The following STK38 variants were observed in gnomAD, a reference collection of about 807,000 sequenced individuals.
The protein encoded by STK38 is serine/threonine-protein kinase 38.
In STK38, 26 loss-of-function variants were observed where a neutral mutation model predicts 59.0. The observed-to-expected ratio is 0.44, with a 90% confidence interval of 0.32 to 0.61. The LOEUF is 0.61. STK38 is among the 20% of genes least tolerant of loss of function. The pLI is 0.04. For missense variants in STK38, 433 were observed against 566.0 expected, an observed-to-expected ratio of 0.76 and a Z score of 2.38; for synonymous variants, 175 against 176.6, an observed-to-expected ratio of 0.99 and a Z score of 0.07.
chr6:36,540,186 G>T lies in STK38; in HGVS notation c.17C>A (p.Ser6Ter), dbSNP rs1325297788. 1 of 1,613,962 alleles carries T rather than the reference G, an allele frequency of 6.2e-7. No individual in the cohort carries two copies. The highest frequency in any genetic ancestry group is 8.5e-7 in the Non-Finnish European group (1 of 1,179,930). MAMTG[S>*]TPCSSMSNHT... is the part of the protein sequence containing the mutation. ...GTTACTCATGGATGAGCAAGGTGTT[G>T]AGCCTGTCATTGCCATGGCTGCTAG... is the stretch of plus-strand genomic sequence containing the variant. The change falls in exon 2 of 14, where the codon TCA becomes TAA. Residue 6 changes from serine (S) to a stop codon, truncating the protein, a stop_gained. Coordinates refer to ENST00000229812, the MANE Select transcript of STK38 (RefSeq NM_007271.4). LOFTEE classifies it high-confidence loss of function.
At chr6:36,519,104 CTT>C (rs2127477938) in intron 5 of STK38, among the ~76,000 whole-genome samples, 1 of 152,256 alleles carries the variant, frequency 6.6e-6, no homozygotes, top group South Asian at 2.1e-4. Flanking sequence ...AGGCATTTGA[CTT>C]TATGTATTTG....
intron 9 of STK38, 75 bp downstream of exon 9, chr6:36,506,508 C>A: frequency 6.7e-7 from 1 of 1,499,700 alleles, no homozygotes; most frequent in South Asian, 1.2e-5. Context: ...TTGTCAAATG[C>A]AAATTTATGT....
chr6:36,501,768 T>C (rs577650958), intron 9 of STK38, among the ~76,000 whole-genome samples: 68 of 152,324 alleles, frequency 4.5e-4, no homozygotes, highest in Non-Finnish European at 8.8e-4. Context: ...CATGTAGCTC[T>C]AGTTCACTCA....
At position 36,495,081 on chromosome 6, in the gene STK38, G is replaced by A. The variant is rs1776667706; in HGVS notation, c.*703C>T. ...TTCTGGGCCTTCTAAGAGCAACAGT[G>A]GATCAAGCTGGTAACCCCCATCAAC... On this transcript the variant is annotated 3_prime_UTR_variant, in exon 14 of 14. Coordinates refer to ENST00000229812, the MANE Select transcript of STK38 (RefSeq NM_007271.4). 1 of 152,640 alleles carries A rather than the reference G, an allele frequency of 6.6e-6. No individual in the cohort carries two copies. The highest frequency in any genetic ancestry group is 2.4e-5 in the African/African-American group (1 of 41,458). The allele number at this position is 152,640 out of a possible 1,614,324, so 9.5% of individuals were successfully genotyped here.
At chr6:36,527,952 A>AAG (rs1018541052) in intron 2 of STK38, among the ~76,000 whole-genome samples, 4 of 151,632 alleles carry the variant, frequency 2.6e-5, no homozygotes, top group African/African-American at 9.7e-5. Flanking sequence ...ACAAAAAAAA[A>AAG]AAAAAAATTA....
chr6:36,516,183 T>C (rs1170808139), intron 6 of STK38, among the ~76,000 whole-genome samples: 1 of 152,238 alleles, frequency 6.6e-6, no homozygotes, highest in Non-Finnish European at 1.5e-5. Context: ...TAGTACCCTT[T>C]ATGTAACTTT....
Position 36,513,752 on chromosome 6 carries a change from C to G in STK38, c.669+1586G>C, listed in dbSNP as rs1177484699. The stretch of plus-strand genomic sequence containing the variant: ...CAGGTGGTGGCTCACACTTGTAATC[C>G]CAGGACTTTGAGAGGCTGAGGTGGG... On this transcript the variant is annotated intron_variant, in intron 7 of 13. Coordinates refer to ENST00000229812, the MANE Select transcript of STK38 (RefSeq NM_007271.4). Among the ~76,000 whole-genome samples, 4 of 151,102 alleles carry G rather than the reference C, an allele frequency of 2.6e-5. No homozygotes were observed. The South Asian group carries it at 8.4e-4, about 32-fold the overall frequency.
chr6:36,501,344 A>G (rs632943), intron 9 of STK38, among the ~76,000 whole-genome samples: 66,652 of 151,962 alleles, frequency 0.44, 16,473 homozygotes, highest in African/African-American at 0.65. Context: ...CTCCTAATGT[A>G]CTTAACATTT....
intron 7 of STK38, among the ~76,000 whole-genome samples, chr6:36,512,222 T>C (rs1777127666): frequency 6.6e-6 from 1 of 152,238 alleles, no homozygotes; most frequent in South Asian, 2.1e-4. Context: ...CTATAATCTA[T>C]GTGGCTGAAC....
chr6:36,525,705 GTAACT>G, intron 2 of STK38, 63 bp from the exon 3 acceptor site: 3 of 1,373,990 alleles, frequency 2.2e-6, no homozygotes, highest in Non-Finnish European at 3.1e-6. Flanking sequence ...TGAAAATTCT[GTAACT>G]TAATACTGTA....
chr6:36,497,569 A>G (rs183297105), intron 12 of STK38, among the ~76,000 whole-genome samples: 1 of 152,376 alleles, frequency 6.6e-6, no homozygotes, highest in Non-Finnish European at 1.5e-5. Flanking sequence ...TCACTTTGTA[A>G]ATAACTGCTA....
In STK38 at chr6:36,517,879, CTGCTT is replaced by C. The variant is rs756412139; in HGVS notation, c.391-44_391-40del. ...CATTTGATTAATGACAAAGCTTGCTCTGCTTTATTAGATTGTATATTTGCTTAAAC... is the reference window on the plus strand; with the variant it reads ...CATTTGATTAATGACAAAGCTTGCTCTATTAGATTGTATATTTGCTTAAAC... On this transcript the variant is annotated intron_variant, in intron 5 of 13. Transcript: ENST00000229812. The C allele has an allele frequency of 8.1e-6, 13 of 1,607,978 alleles. No individual in the cohort carries two copies. In the South Asian group the frequency reaches 1.2e-4, roughly 15 times the overall value.
chr6:36,531,239 T>C (rs1037128637), intron 2 of STK38, among the ~76,000 whole-genome samples: 1 of 152,228 alleles, frequency 6.6e-6, no homozygotes, highest in East Asian at 1.9e-4. Context: ...TAAGAGGAGT[T>C]GCAGAACATA....
At chr6:36,526,881 G>A (rs1395936535) in intron 2 of STK38, among the ~76,000 whole-genome samples, 1 of 149,824 alleles carries the variant, frequency 6.7e-6, no homozygotes, top group Non-Finnish European at 1.5e-5. Flanking sequence ...CTGGGTGACA[G>A]AGTGAGACCC....
intron 8 of STK38, among the ~76,000 whole-genome samples, chr6:36,507,030 G>A (rs1482328851): frequency 1.6e-4 from 25 of 152,142 alleles, no homozygotes; most frequent in Admixed American, 1.6e-3. Flanking sequence ...TATGATCAGG[G>A]ACATCTGAAT....
chr6:36,517,967 A>G, intron 5 of STK38, 127 bp from the exon 6 acceptor site: 1 of 1,259,780 alleles, frequency 7.9e-7, no homozygotes, highest in East Asian at 2.6e-5. Context: ...GATATAAAAG[A>G]TCCAATTTCT....
chr6:36,513,178 C>T (rs1378902927), intron 7 of STK38, among the ~76,000 whole-genome samples: 1 of 151,842 alleles, frequency 6.6e-6, no homozygotes, highest in Non-Finnish European at 1.5e-5. Flanking sequence ...CATCACTACA[C>T]CCAGCTAATT....
intron 2 of STK38, among the ~76,000 whole-genome samples, chr6:36,527,191 C>CAAAAAAAAAAAAAAA (rs777770396): frequency 2.2e-5 from 1 of 46,040 alleles, no homozygotes; most frequent in African/African-American, 9.6e-5. Flanking sequence ...GACTCCGTCT[C>CAAAAAAAAAAAAAAA]AAAAAAAAAA....
At chr6:36,503,382 C>A (rs773650728) in intron 9 of STK38, among the ~76,000 whole-genome samples, 3 of 151,790 alleles carry the variant, frequency 2.0e-5, no homozygotes, top group African/African-American at 4.8e-5. Context: ...CTAGAATTGA[C>A]TTTTGCATAT....
Sources: gnomAD v4.1 joint callset for allele counts (sites outside exome capture counted in the v4.1 genomes callset) on GRCh38, gnomAD v4.1.1 for gene constraint, MANE v1.5 for transcripts, NCBI Gene and HGNC (gene_info 2026-07-23, HGNC 2026-07-21) for gene names.